Variants in ZMYND11 observed in about 807,000 individuals in gnomAD.
The protein encoded by ZMYND11 is zinc finger MYND domain-containing protein 11.
A neutral mutation model predicts 84.9 loss-of-function variants in ZMYND11; 9 were observed. That is an observed-to-expected ratio of 0.11 (90% CI 0.06 to 0.18). The LOEUF (loss-of-function observed/expected upper bound fraction) is 0.18, where lower values mean the gene tolerates loss of function less well. Among genes scored for constraint, ZMYND11 ranks in the 10% least tolerant of loss-of-function variants. The pLI is 1.00. For synonymous variants in ZMYND11, 250 were observed against 244.1 expected, an observed-to-expected ratio of 1.02 and a Z score of -0.23; for missense variants, 409 against 761.0, an observed-to-expected ratio of 0.54 and a Z score of 5.44.
intron 12 of ZMYND11, 125 bp from the exon 13 acceptor site, chr10:248,211 T>G: frequency 7.8e-7 from 1 of 1,278,596 alleles, no homozygotes. Context: ...TAACTACATT[T>G]TTCAACAGCA....
chr10:233,858 A>G (rs1949443823), intron 4 of ZMYND11, among the ~76,000 whole-genome samples: 1 of 152,258 alleles, frequency 6.6e-6, no homozygotes, highest in African/African-American at 2.4e-5. Flanking sequence ...AAAATAGGGA[A>G]ATGTTGCTTG....
intron 4 of ZMYND11, among the ~76,000 whole-genome samples, chr10:231,350 T>C (rs1948986771): frequency 1.3e-5 from 2 of 152,224 alleles, no homozygotes; most frequent in South Asian, 4.1e-4. Flanking sequence ...AGGTGAACTC[T>C]AGCTGCATAG....
chr10:174,653 C>T (rs577000418), intron 1 of ZMYND11, among the ~76,000 whole-genome samples: 46 of 151,716 alleles, frequency 3.0e-4, no homozygotes, highest in African/African-American at 9.0e-4. Flanking sequence ...AGTCAAAACC[C>T]ATGGGCATTA....
intron 4 of ZMYND11, among the ~76,000 whole-genome samples, chr10:230,818 A>G (rs978945837): frequency 6.6e-6 from 1 of 152,198 alleles, no homozygotes; most frequent in South Asian, 2.1e-4. Flanking sequence ...CTAGTAGGCA[A>G]TGAAGCCAGT....
chr10:207,227 C>T (rs1406970703), intron 2 of ZMYND11, among the ~76,000 whole-genome samples: 1 of 152,176 alleles, frequency 6.6e-6, no homozygotes, highest in Non-Finnish European at 1.5e-5. Context: ...TTTTCTTAAT[C>T]CAGTCTATCA....
At chr10:224,367 G>T (rs1947712348) in intron 4 of ZMYND11, among the ~76,000 whole-genome samples, 1 of 152,088 alleles carries the variant, frequency 6.6e-6, no homozygotes. Context: ...TAGTTCTTTG[G>T]AATGTCTGCC....
At chr10:171,655 A>T (rs1370227300) in intron 1 of ZMYND11, among the ~76,000 whole-genome samples, 1 of 152,230 alleles carries the variant, frequency 6.6e-6, no homozygotes, top group Non-Finnish European at 1.5e-5. Context: ...CAACAGATAC[A>T]GAAGGAGAAT....
chr10:243,881 T>A (rs1407168340), intron 10 of ZMYND11, among the ~76,000 whole-genome samples: 1 of 152,028 alleles, frequency 6.6e-6, no homozygotes, highest in Non-Finnish European at 1.5e-5. Context: ...ATAATAATAA[T>A]AATGGTGCTA....
At chr10:136,168 T>C (rs193150419) in intron 1 of ZMYND11, among the ~76,000 whole-genome samples, 464 of 152,104 alleles carry the variant, frequency 3.1e-3, no homozygotes, top group African/African-American at 0.011. Context: ...TCCGGGACAG[T>C]CCTGTGGGGT....
chr10:218,709 C>T (rs114246465), intron 3 of ZMYND11, among the ~76,000 whole-genome samples: 3 of 152,246 alleles, frequency 2.0e-5, no homozygotes, highest in Non-Finnish European at 2.9e-5. Context: ...ATTTCACATA[C>T]GCTGTTACTC....
At chr10:247,588 T>C (rs1952414837) in intron 12 of ZMYND11, 122 bp downstream of exon 12, 11 of 1,050,954 alleles carry the variant, frequency 1.0e-5, no homozygotes, top group Non-Finnish European at 1.4e-5. Flanking sequence ...GAAATTCAGC[T>C]GCTGTCAGTC....
chr10:144,721 C>G lies in ZMYND11; in HGVS notation c.-20+9162C>G, dbSNP rs151207017. Among the ~76,000 whole-genome samples the G allele has an allele frequency of 6.5e-3, 756 of 117,154 alleles. 5 individuals are homozygous for G. The highest frequency in any genetic ancestry group is 0.023 in the African/African-American group (717 of 30,552). The allele number at this position is 117,154 out of a possible 152,430, so 76.9% of individuals were successfully genotyped here. A position where few individuals can be genotyped will look rare whatever the true frequency, so the allele number is the denominator to read the frequency against. On this transcript the variant is annotated intron_variant, in intron 1 of 14. Coordinates refer to ENST00000381604, the MANE Select transcript of ZMYND11 (RefSeq NM_001370100.5). ...GAGTCTGGGCTCTAATTTTTTATTT[C>G]TACATATAAAATATATATATAATAT...
chr10:249,744 ACTTGGTTTCAGTTTTAAT>A (rs1352458776), intron 14 of ZMYND11: 2 of 985,292 alleles, frequency 2.0e-6, no homozygotes, highest in African/African-American at 1.7e-5. Context: ...AAAGCTCATA[ACTTGGTTTCAGTTTTAAT>A]AAATGACTAT....
chr10:181,070 G>C (rs577022208), intron 2 of ZMYND11, among the ~76,000 whole-genome samples: 1 of 151,780 alleles, frequency 6.6e-6, no homozygotes, highest in Non-Finnish European at 1.5e-5. Context: ...ACTTGGTTTT[G>C]TTTTGTTTCT....
rs182158943 is a variant in ZMYND11 at position 168,869 on chromosome 10, G to T, written c.-19-11125G>T. 1.4e-4 allele frequency among the ~76,000 whole-genome samples: 21 copies of T among 152,186 alleles called. No homozygotes were observed. The East Asian group carries it at 2.3e-3, about 17-fold the overall frequency. On this transcript the variant is annotated intron_variant, in intron 1 of 14. Coordinates refer to ENST00000381604, the MANE Select transcript of ZMYND11 (RefSeq NM_001370100.5). ...AAGGCTGAACTGTAATTGATGAATCGCTAGATGCCCAGTATGGACAACTCT... is the reference window on the plus strand; with the variant it reads ...AAGGCTGAACTGTAATTGATGAATCTCTAGATGCCCAGTATGGACAACTCT...
At chr10:214,476 C>T (rs1225163705) in intron 3 of ZMYND11, among the ~76,000 whole-genome samples, 2 of 152,128 alleles carry the variant, frequency 1.3e-5, no homozygotes, top group Non-Finnish European at 2.9e-5. Context: ...TGTGTGCCAA[C>T]TAGTTTCTAC....
intron 2 of ZMYND11, among the ~76,000 whole-genome samples, chr10:206,326 C>T (rs2131200979): frequency 6.6e-6 from 1 of 152,316 alleles, no homozygotes; most frequent in East Asian, 1.9e-4. Context: ...TGCCACTGTG[C>T]TCCAGCCTGG....
chr10:247,039 C>G, intron 11 of ZMYND11, 66 bp downstream of exon 11: 1 of 1,406,432 alleles, frequency 7.1e-7, no homozygotes. Context: ...TCTTAGTGCA[C>G]ACTCCTCACT....
chr10:200,368 G>GTATATATGTA (rs1259540127), intron 2 of ZMYND11, among the ~76,000 whole-genome samples: 5 of 142,302 alleles, frequency 3.5e-5, no homozygotes, highest in Non-Finnish European at 7.5e-5. Flanking sequence ...GTATATATGT[G>GTATATATGTA]TATATATGTA....
Sources: allele counts gnomAD v4.1 joint callset (sites outside exome capture counted in the v4.1 genomes callset), GRCh38; gene constraint gnomAD v4.1.1; transcripts MANE v1.5; gene names NCBI Gene and HGNC (gene_info 2026-07-23, HGNC 2026-07-21).